Variants in ITPR3 observed in about 807,000 individuals in gnomAD.
The protein encoded by ITPR3 is inositol 1,4,5-trisphosphate-gated calcium channel ITPR3.
Under a neutral mutation model 293.2 loss-of-function variants are expected in ITPR3, and 173 were observed. That is an observed-to-expected ratio of 0.59 (90% confidence interval 0.52 to 0.67). ITPR3 has a LOEUF of 0.67. ITPR3 is among the 30% of genes least tolerant of loss of function. The pLI is 0.00. For synonymous variants in ITPR3, 1,295 were observed against 1,444.4 expected (o/e 0.90, Z 2.35); for missense variants, 2,796 against 3,592.1 (o/e 0.78, Z 5.66).
At chr6:33,665,030 C>T in intron 12 of ITPR3, 23 bp from the exon 13 acceptor site, 1 of 1,613,566 alleles carries the variant, frequency 6.2e-7, no homozygotes, top group Non-Finnish European at 8.5e-7. Context: ...TCCCAGGTGC[C>T]CTGCTGACCC....
chr6:33,684,863 A>G lies in ITPR3; in HGVS notation c.5227A>G (p.Ser1743Gly), dbSNP rs1187383093. Reference protein sequence around the residue: ...ATKLVCDLITSTKNEKIFQES... With the variant: ...ATKLVCDLITGTKNEKIFQES... ...CAAGTTGGTATGCGACCTCATCACC[A>G]GCACCAAGAACGAGAAGATCTTCCA... Residue 1743 changes from serine to glycine, a missense_variant, in exon 39 of 58, where the codon AGC becomes GGC. By Grantham distance (56) the Ser-to-Gly change is moderately conservative. Transcript: ENST00000605930. The surrounding 1 kb of genome is among the most constrained non-coding windows in gnomAD (Gnocchi z 4.2). 3 of 1,614,136 alleles carry G rather than the reference A, an allele frequency of 1.9e-6. 1 individual carries two copies. The South Asian group carries it at 3.3e-5, about 18-fold the overall frequency.
Position 33,687,628 on chromosome 6 carries a change from C to A in ITPR3, c.6264+64C>A. The A allele has an allele frequency of 5.3e-6, 7 of 1,331,344 alleles. No homozygotes were observed. Among genetic ancestry groups the A allele is most frequent in the Non-Finnish European group, 7.4e-6 (7 of 940,654 alleles). 82.5% of individuals were successfully genotyped at this position (1,331,344 alleles called of 1,614,324 possible). A position where few individuals can be genotyped will look rare whatever the true frequency, so the allele number is the denominator to read the frequency against. On this transcript the variant is annotated intron_variant, in intron 46 of 57. Coordinates refer to ENST00000605930, the MANE Select transcript of ITPR3 (RefSeq NM_002224.4). This position sits in a 1 kb window ranked among gnomAD's most constrained non-coding sequence, Gnocchi z 5.3. ...TGGAACCCAGGGAGGACACTTGACC[C>A]AAGGGCGTGGCCTGGAACAGAGTGA...
Position 33,682,395 on chromosome 6 carries a change from G to C in ITPR3, c.4477-129G>C. On this transcript the variant is annotated intron_variant, in intron 33 of 57. Coordinates refer to ENST00000605930, the MANE Select transcript of ITPR3 (RefSeq NM_002224.4). This position sits in a 1 kb window ranked among gnomAD's most constrained non-coding sequence, Gnocchi z 5.4. ...GTACCTTTTTCCAACTGGCACAGAG[G>C]CACATGGTGGCTAGTGAAGGCTCCG... 4 of 1,073,970 alleles carry C rather than the reference G, an allele frequency of 3.7e-6. No homozygotes were observed. Among genetic ancestry groups the C allele is most frequent in the Non-Finnish European group, 5.2e-6 (4 of 769,104 alleles). 66.5% of individuals were successfully genotyped at this position (1,073,970 alleles called of 1,614,324 possible).
chr6:33,695,373 AG>A (rs1353888461), intron 57 of ITPR3: 1 of 558,766 alleles, frequency 1.8e-6, no homozygotes, highest in East Asian at 3.0e-5. Context: ...AGGTCCTTTG[AG>A]GGGATCCCCA....
At chr6:33,649,687 C>T (rs6457738) in intron 2 of ITPR3, among the ~76,000 whole-genome samples, 95,281 of 152,076 alleles carry the variant, frequency 0.63, 29,885 homozygotes, top group East Asian at 0.68. Flanking sequence ...ATTACTGCAA[C>T]CGTATAACTT....
In ITPR3 at chr6:33,667,990, G is replaced by A. The variant is rs747752863; in HGVS notation, c.1886+26G>A. On this transcript the variant is annotated intron_variant, in intron 16 of 57. Transcript: ENST00000605930. The surrounding 1 kb of genome is among the most constrained non-coding windows in gnomAD (Gnocchi z 4.4). Reference sequence around the variant, plus strand: ...GTGGGCCCGAACCCCCTCCCCGGCCGGCGCCTGCTCCTCCCTCCTCCCTTG... The same window carrying A: ...GTGGGCCCGAACCCCCTCCCCGGCCAGCGCCTGCTCCTCCCTCCTCCCTTG... 5.6e-6 allele frequency: 9 copies of A among 1,611,824 alleles called. No individual in the cohort carries two copies. Among genetic ancestry groups the A allele is most frequent in the African/African-American group, 1.3e-5 (1 of 74,910 alleles).
rs1345538955 is a variant in ITPR3, at chr6:33,696,266, GCTCC to G, written c.*491_*494del. On this transcript the variant is annotated 3_prime_UTR_variant, in exon 58 of 58. Transcript: ENST00000605930. Reference sequence around the variant, plus strand: ...GCTCAGCCCTGCCCATGGCTGTGCAGCTCCCTCCGTGCCTCAGATCTGCTGTAGC... The same window carrying G: ...GCTCAGCCCTGCCCATGGCTGTGCAGCTCCGTGCCTCAGATCTGCTGTAGC... The G allele has an allele frequency of 6.0e-6, 1 of 167,646 alleles. No homozygotes were observed. The highest frequency in any genetic ancestry group is 1.3e-5 in the Non-Finnish European group (1 of 75,794). The allele number at this position is 167,646 out of a possible 1,614,324, so 10.4% of individuals were successfully genotyped here.
Position 33,684,666 on chromosome 6 carries a change from C to T in ITPR3, c.5115C>T (p.Asp1705=), listed in dbSNP as rs757633679. 9 of 1,613,954 alleles carry T rather than the reference C, an allele frequency of 5.6e-6. No individual in the cohort carries two copies. The Admixed American group carries it at 8.3e-5, about 15-fold the overall frequency. The change falls in exon 38 of 58, where the codon GAC becomes GAT. Residue 1705 remains aspartate (D), a synonymous_variant. Transcript: ENST00000605930. The surrounding 1 kb of genome is among the most constrained non-coding windows in gnomAD (Gnocchi z 4.2). ...LQNRKSTSRG[D]LPDPIGTGLD... ...ACCGGAAGTCCACCTCGCGGGGGGA[C>T]CTTCCCGACCCCATAGGCACTGGTC... is the stretch of plus-strand genomic sequence containing the variant.
chr6:33,690,284 A>G lies in ITPR3; in HGVS notation c.7032+86A>G, dbSNP rs546082455. The G allele has an allele frequency of 9.2e-5, 120 of 1,299,258 alleles. No individual in the cohort carries two copies. In the South Asian group the frequency reaches 1.5e-3, roughly 16 times the overall value. The allele number at this position is 1,299,258 out of a possible 1,614,324, so 80.5% of individuals were successfully genotyped here. ...GAGTTGTTGGCAGTTCCCCGGCACCAGTCTGTCTGTCCAGTCCTTTTGCTG... is the reference window on the plus strand; with the variant it reads ...GAGTTGTTGGCAGTTCCCCGGCACCGGTCTGTCTGTCCAGTCCTTTTGCTG... On this transcript the variant is annotated intron_variant, in intron 51 of 57. Transcript: ENST00000605930.
chr6:33,653,223 T>A (rs114394181), intron 2 of ITPR3, among the ~76,000 whole-genome samples: 7,776 of 152,026 alleles, frequency 0.051, 228 homozygotes, highest in African/African-American at 0.074. Flanking sequence ...TTTATTTTTT[T>A]AAATTATTTT....
chr6:33,636,332 G>C (rs373999387), intron 1 of ITPR3, among the ~76,000 whole-genome samples: 4 of 151,756 alleles, frequency 2.6e-5, no homozygotes, highest in African/African-American at 9.7e-5. Context: ...GGATCCCCCT[G>C]CTTCTGTGTG....
intron 1 of ITPR3, among the ~76,000 whole-genome samples, chr6:33,627,900 CTAGA>C (rs1446811614): frequency 6.6e-5 from 10 of 152,298 alleles, no homozygotes; most frequent in African/African-American, 2.4e-4. Context: ...TTGGCTCAGC[CTAGA>C]ACCAGTGCCA....
intron 1 of ITPR3, among the ~76,000 whole-genome samples, chr6:33,636,541 T>C (rs1170362453): frequency 6.6e-6 from 1 of 150,948 alleles, no homozygotes; most frequent in East Asian, 2.0e-4. Flanking sequence ...GAGGTGTGAG[T>C]GGAAGGGAGG....
At chr6:33,639,621 A>G (rs1388839409) in intron 1 of ITPR3, among the ~76,000 whole-genome samples, 1 of 152,154 alleles carries the variant, frequency 6.6e-6, no homozygotes, top group Admixed American at 6.5e-5. Context: ...GTGGGTGATC[A>G]GCATCACTTT....
At chr6:33,681,059 T>C (rs1167575114) in intron 33 of ITPR3, among the ~76,000 whole-genome samples, 1 of 152,132 alleles carries the variant, frequency 6.6e-6, no homozygotes, top group Non-Finnish European at 1.5e-5. Context: ...GACCTCATGA[T>C]CCGCCCACCT....
intron 16 of ITPR3, 68 bp downstream of exon 16, chr6:33,668,032 G>T: frequency 6.4e-7 from 1 of 1,555,988 alleles, no homozygotes; most frequent in Non-Finnish European, 8.8e-7. Flanking sequence ...TAGAAACTCT[G>T]CTGGTTGTGT....
At chr6:33,686,714 G>A (rs1467574829) in intron 43 of ITPR3, among the ~76,000 whole-genome samples, 195 bp downstream of exon 43, 1 of 152,186 alleles carries the variant, frequency 6.6e-6, no homozygotes, top group African/African-American at 2.4e-5. Context: ...TAAGCATGCT[G>A]GAACATACAC....
In ITPR3 at chr6:33,663,811, G is replaced by C; in HGVS notation, c.1079G>C (p.Gly360Ala). The C allele has an allele frequency of 6.2e-7, 1 of 1,614,160 alleles. No homozygotes were observed. Among genetic ancestry groups the C allele is most frequent in the South Asian group, 1.1e-5 (1 of 91,082 alleles). The change falls in exon 11 of 58, where the codon GGC (glycine) becomes GCC (alanine). Residue 360 changes from glycine to alanine, a missense_variant. Gly to Ala is a moderately conservative substitution (Grantham distance 60, BLOSUM62 0). Around this residue, in one of 8 missense-constraint regions of ITPR3, gnomAD observed 955 missense variants for 1,180.8 expected, o/e 0.81. Coordinates refer to ENST00000605930, the MANE Select transcript of ITPR3 (RefSeq NM_002224.4). ...TACTGCCTGGTGGCTGTGCCTCATG[G>C]CAATGACATCGCCTCTCTCTTTGAG... ...IKYCLVAVPH[G>A]NDIASLFELD...
rs372077359 is a variant in ITPR3, at chr6:33,685,634, C to T, written c.5483-9C>T. 1.4e-4 allele frequency: 223 copies of T among 1,580,810 alleles called. No homozygotes were observed. In the African/African-American group the frequency reaches 2.0e-3, roughly 14 times the overall value. On this transcript the variant is annotated splice_polypyrimidine_tract_variant and intron_variant, in intron 40 of 57. Coordinates refer to ENST00000605930, the MANE Select transcript of ITPR3 (RefSeq NM_002224.4). Reference sequence around the variant, plus strand: ...GGGCAGCTCCAGCCTCACCAGGTCTCGCCCACAGGCCGCGTGGCCTCCTTC... The same window carrying T: ...GGGCAGCTCCAGCCTCACCAGGTCTTGCCCACAGGCCGCGTGGCCTCCTTC...
Sources: gnomAD v4.1 joint callset for allele counts (sites outside exome capture counted in the v4.1 genomes callset) on GRCh38, gnomAD v4.1.1 for gene constraint, gnomAD v4.1.1 regional missense constraint, Gnocchi (gnomAD v3.1) non-coding constraint, MANE v1.5 for transcripts, NCBI Gene and HGNC (gene_info 2026-07-23, HGNC 2026-07-21) for gene names.